The following DOCK8 variants were observed in gnomAD, a reference collection of about 807,000 sequenced individuals.
The protein encoded by DOCK8 is dedicator of cytokinesis protein 8.
A neutral mutation model predicts 245.6 loss-of-function variants in DOCK8; 141 were observed. That is an observed-to-expected ratio of 0.57 (90% CI 0.50 to 0.66). DOCK8 has a LOEUF of 0.66. Among genes scored for constraint, DOCK8 ranks in the 30% least tolerant of loss-of-function variants. The pLI, the probability that DOCK8 is intolerant of heterozygous loss-of-function variation, is 0.00. For missense variants in DOCK8, 2,965 were observed against 2,603.4 expected, an observed-to-expected ratio of 1.14 and a Z score of -3.02; for synonymous variants, 1,168 against 970.2, an observed-to-expected ratio of 1.20 and a Z score of -3.79.
chr9:428,470 G>GCAA lies in DOCK8; in HGVS notation c.4450_4452dup (p.Thr1484dup). On this transcript the variant is annotated inframe_insertion, in exon 35 of 48. Transcript: ENST00000432829. Reference sequence around the variant, plus strand: ...TACCACCTACCTGACTCACTGCTTTGCAACACTCCGTGCTCTCATCGCCAA... The same window carrying GCAA: ...TACCACCTACCTGACTCACTGCTTTGCAACAACACTCCGTGCTCTCATCGCCAA... 6.2e-7 allele frequency: 1 copy of GCAA among 1,614,154 alleles called. No individual in the cohort carries two copies. The highest frequency in any genetic ancestry group is 8.5e-7 in the Non-Finnish European group (1 of 1,180,014).
intron 29 of DOCK8, among the ~76,000 whole-genome samples, chr9:415,475 TA>T (rs1246969228): frequency 6.6e-6 from 1 of 152,224 alleles, no homozygotes; most frequent in Non-Finnish European, 1.5e-5. Flanking sequence ...ATTTTGAGGT[TA>T]ATATGTCTAG....
At chr9:387,311 C>T (rs542435759) in intron 23 of DOCK8, among the ~76,000 whole-genome samples, 1 of 152,070 alleles carries the variant, frequency 6.6e-6, no homozygotes, top group East Asian at 1.9e-4. Flanking sequence ...GGCATGATGG[C>T]AGGCACCTGT....
At chr9:460,353 CT>C (rs1442079600) in intron 46 of DOCK8, 1 of 152,236 alleles carries the variant, frequency 6.6e-6, no homozygotes, top group Non-Finnish European at 1.5e-5. Context: ...TCCGAGTAGA[CT>C]TCCCCAAATT....
intron 26 of DOCK8, among the ~76,000 whole-genome samples, chr9:404,469 T>G (rs2055319775): frequency 6.6e-6 from 1 of 152,176 alleles, no homozygotes; most frequent in African/African-American, 2.4e-5. Flanking sequence ...GGCCTTTAAT[T>G]AGAAACTACG....
intron 23 of DOCK8, 68 bp downstream of exon 23, chr9:386,494 C>A: frequency 1.4e-6 from 2 of 1,401,696 alleles, no homozygotes; most frequent in Non-Finnish European, 2.0e-6. Context: ...TGCCCTCACA[C>A]TGTGCTTGGG....
chr9:271,019 T>A (rs2048149428), intron 1 of DOCK8, among the ~76,000 whole-genome samples: 1 of 152,204 alleles, frequency 6.6e-6, no homozygotes, highest in Admixed American at 6.5e-5. Flanking sequence ...CTCTCATGTG[T>A]ATGGCTCCCT....
intron 5 of DOCK8, among the ~76,000 whole-genome samples, chr9:308,885 C>T (rs1191098728): frequency 4.6e-5 from 7 of 152,180 alleles, no homozygotes; most frequent in African/African-American, 1.7e-4. Flanking sequence ...TCTTGATCTC[C>T]TGACCTCATG....
At chr9:238,635 G>C (rs2047315331) in intron 1 of DOCK8, among the ~76,000 whole-genome samples, 1 of 152,090 alleles carries the variant, frequency 6.6e-6, no homozygotes, top group Admixed American at 6.5e-5. Context: ...ACAACATAAA[G>C]GAAAACCAAT....
At chr9:283,936 C>T (rs2048703257) in intron 2 of DOCK8, among the ~76,000 whole-genome samples, 1 of 152,164 alleles carries the variant, frequency 6.6e-6, no homozygotes, top group Non-Finnish European at 1.5e-5. Context: ...CAATTGAACT[C>T]AATTTGCAGT....
intron 4 of DOCK8, among the ~76,000 whole-genome samples, chr9:291,575 T>C (rs1018401645): frequency 6.6e-6 from 1 of 152,178 alleles, no homozygotes; most frequent in African/African-American, 2.4e-5. Context: ...GCATAATATA[T>C]TTATACCAAA....
intron 41 of DOCK8, 87 bp downstream of exon 41, chr9:441,504 G>A (rs1030554614): frequency 6.3e-7 from 1 of 1,591,978 alleles, no homozygotes; most frequent in East Asian, 2.2e-5. Flanking sequence ...TCCTCTCCAG[G>A]GAGTGATTTA....
intron 46 of DOCK8, among the ~76,000 whole-genome samples, chr9:461,792 T>G (rs1226596234): frequency 6.6e-6 from 1 of 152,030 alleles, no homozygotes; most frequent in Non-Finnish European, 1.5e-5. Flanking sequence ...TCCACCCACC[T>G]TAGCTTCCCA....
intron 8 of DOCK8, 115 bp from the exon 9 acceptor site, chr9:327,907 A>G (rs1323525718): frequency 3.1e-6 from 3 of 957,880 alleles, no homozygotes; most frequent in Admixed American, 1.8e-5. Context: ...ATCTGTGATT[A>G]TTACACTTAC....
At chr9:391,995 G>A (rs1231522695) in intron 24 of DOCK8, among the ~76,000 whole-genome samples, 4 of 151,672 alleles carry the variant, frequency 2.6e-5, no homozygotes, top group African/African-American at 7.3e-5. Context: ...AAAATTAGCC[G>A]GGTGTGGTGG....
intron 1 of DOCK8, among the ~76,000 whole-genome samples, chr9:217,352 A>G (rs973251699): frequency 2.6e-5 from 4 of 152,180 alleles, no homozygotes; most frequent in African/African-American, 9.7e-5. Flanking sequence ...AGTTTGGGTT[A>G]GGTATGGAGA....
intron 1 of DOCK8, among the ~76,000 whole-genome samples, chr9:243,085 A>G (rs997011311): frequency 6.6e-6 from 1 of 152,144 alleles, no homozygotes; most frequent in African/African-American, 2.4e-5. Context: ...AAAGATTCTA[A>G]GCTTATTTTC....
At chr9:442,684 G>C (rs146791396) in intron 42 of DOCK8, among the ~76,000 whole-genome samples, 1 of 151,364 alleles carries the variant, frequency 6.6e-6, no homozygotes, top group East Asian at 1.9e-4. Flanking sequence ...TCAGTCAAAG[G>C]TGCCTCCCCG....
At chr9:425,098 A>G (rs1052398130) in intron 33 of DOCK8, among the ~76,000 whole-genome samples, 7 of 152,268 alleles carry the variant, frequency 4.6e-5, no homozygotes, top group African/African-American at 1.7e-4. Context: ...TAAACAAAAT[A>G]TATTAAAAAT....
intron 10 of DOCK8, among the ~76,000 whole-genome samples, chr9:333,855 A>G (rs1347147962): frequency 2.0e-5 from 3 of 152,178 alleles, no homozygotes; most frequent in Non-Finnish European, 1.5e-5. Context: ...GGAGCTTGGT[A>G]GATGATATAC....
Sources: allele counts gnomAD v4.1 joint callset (sites outside exome capture counted in the v4.1 genomes callset), GRCh38; gene constraint gnomAD v4.1.1; transcripts MANE v1.5; gene names NCBI Gene and HGNC (gene_info 2026-07-23, HGNC 2026-07-21).